PLS3: variants seen among roughly 807,000 people sequenced by gnomAD.
The protein encoded by PLS3 is plastin 3.
Under a neutral mutation model 46.5 loss-of-function variants are expected in PLS3, and 11 were observed. The ratio of observed to expected loss-of-function variants is 0.24; its 90% CI spans 0.15 to 0.39. The LOEUF (loss-of-function observed/expected upper bound fraction) is 0.39, where lower values mean the gene tolerates loss of function less well. Ranked by LOEUF, PLS3 falls within the 10% of genes least tolerant of loss-of-function variation. PLS3 has a pLI of 1.00. For missense variants in PLS3, 308 were observed against 461.8 expected (o/e 0.67, Z 3.05); for synonymous variants, 167 against 162.2 (o/e 1.03, Z -0.22).
At chrX:115,608,999 C>T (rs944544655) in intron 1 of PLS3, among the ~76,000 whole-genome samples, 3 of 109,720 alleles carry the variant, frequency 2.7e-5, no homozygotes, top group Non-Finnish European at 5.7e-5. Context: ...TTTTGGGAGA[C>T]CGAGGCGGGA....
chrX:115,575,186 T>A (rs2074240310), intron 1 of PLS3, among the ~76,000 whole-genome samples: 1 of 111,916 alleles, frequency 8.9e-6, no homozygotes, highest in Admixed American at 9.5e-5. Flanking sequence ...AGTACTCTAT[T>A]CCTTTTTATG....
chrX:115,615,487 C>CAGAGAGAGAGAGAGAG (rs72382307), intron 2 of PLS3, among the ~76,000 whole-genome samples: 1 of 73,765 alleles, frequency 1.4e-5, no homozygotes, highest in Non-Finnish European at 2.6e-5. Flanking sequence ...CACGTGTCAT[C>CAGAGAGAGAGAGAGAG]AGAGAGAGAG....
At chrX:115,573,093 C>CAAAAAAA (rs1163578692) in intron 1 of PLS3, among the ~76,000 whole-genome samples, 5 of 29,624 alleles carry the variant, frequency 1.7e-4, no homozygotes, top group Admixed American at 3.5e-4. Flanking sequence ...GACTCCGTCT[C>CAAAAAAA]AAAAAAAAAA....
intron 11 of PLS3, 30 bp downstream of exon 11, chrX:115,645,129 T>C: frequency 1.2e-6 from 1 of 863,835 alleles, no homozygotes; most frequent in Non-Finnish European, 1.7e-6. Context: ...TTGTAAACAG[T>C]TACGAATGTC....
At chrX:115,570,264 T>C (rs184090749) in intron 1 of PLS3, among the ~76,000 whole-genome samples, 1 of 110,751 alleles carries the variant, frequency 9.0e-6, no homozygotes, top group Non-Finnish European at 1.9e-5. Context: ...CTCTGTGGCA[T>C]TGAGGAGGTT....
At chrX:115,640,260 TG>T in intron 8 of PLS3, 147 bp from the exon 9 acceptor site, 2 of 631,411 alleles carry the variant, frequency 3.2e-6, no homozygotes, top group Non-Finnish European at 5.0e-6. Flanking sequence ...TGGACTTTTC[TG>T]GGGAAAACAC....
chrX:115,590,270 A>G (rs1387987330), intron 1 of PLS3, among the ~76,000 whole-genome samples: 4 of 111,284 alleles, frequency 3.6e-5, no homozygotes, highest in Non-Finnish European at 7.5e-5. Context: ...TTGGGATGCA[A>G]TTTAAAAGCT....
At chrX:115,646,355 A>G (rs1323348498) in intron 12 of PLS3, 47 bp from the exon 13 acceptor site, 29 of 1,177,738 alleles carry the variant, frequency 2.5e-5, no homozygotes, top group Non-Finnish European at 3.2e-5. Flanking sequence ...ACGTATGCAG[A>G]TTAAACAAAT....
chrX:115,649,451 A>G lies in PLS3; in HGVS notation c.1783A>G (p.Arg595Gly), dbSNP rs782476324. ...NAKYAVSMARRIGARVYALPE... is the reference protein window; with the variant it reads ...NAKYAVSMARGIGARVYALPE... ...TAGGTATGCAGTGTCAATGGCTAGA[A>G]GAATCGGAGCCAGAGTGTATGCTCT... Residue 595 changes from arginine (R) to glycine (G), a missense_variant, in exon 16 of 16, where the codon AGA (arginine) becomes GGA (glycine). By Grantham distance (125) the Arg-to-Gly change is moderately radical. Transcript: ENST00000355899. 8.3e-7 allele frequency: 1 copy of G among 1,206,394 alleles called. No homozygotes were observed.
In PLS3 at chrX:115,629,244, A is replaced by G; in HGVS notation, c.284A>G (p.Lys95Arg). The G allele has an allele frequency of 8.3e-7, 1 of 1,198,337 alleles. No homozygotes were observed. Among genetic ancestry groups the G allele is most frequent in the African/African-American group, 1.7e-5 (1 of 57,635 alleles). ...AGTGATATTGCCAAGACCTTCCGCA[A>G]AGCAATCAACAGGAAAGAAGGTATT... ...KSSDIAKTFR[K>R]AINRKEGICA... The change falls in exon 4 of 16, where the codon AAA becomes AGA. Residue 95 changes from lysine to arginine, a missense_variant. Lys to Arg is a conservative substitution (Grantham distance 26). Coordinates refer to ENST00000355899, the MANE Select transcript of PLS3 (RefSeq NM_005032.7).
chrX:115,601,790 C>A (rs1556634630), intron 1 of PLS3, among the ~76,000 whole-genome samples: 1 of 111,482 alleles, frequency 9.0e-6, no homozygotes, highest in Non-Finnish European at 1.9e-5. Flanking sequence ...GGTCAAACTG[C>A]AGTCTGGAGA....
At chrX:115,630,910 T>A (rs1382847274) in intron 5 of PLS3, among the ~76,000 whole-genome samples, 1 of 96,110 alleles carries the variant, frequency 1.0e-5, no homozygotes, top group Non-Finnish European at 2.0e-5. Context: ...ATATTATACA[T>A]GTATATATGT....
At chrX:115,570,475 T>A (rs984695439) in intron 1 of PLS3, among the ~76,000 whole-genome samples, 1 of 109,082 alleles carries the variant, frequency 9.2e-6, no homozygotes, top group African/African-American at 3.4e-5. Flanking sequence ...TACCTCTTTT[T>A]CTCTAATTTG....
At chrX:115,591,346 T>C (rs1556633093) in intron 1 of PLS3, among the ~76,000 whole-genome samples, 1 of 111,628 alleles carries the variant, frequency 9.0e-6, no homozygotes, top group African/African-American at 3.3e-5. Flanking sequence ...AGCCTTGGAG[T>C]TTGGAAAGCT....
At chrX:115,644,551 C>A (rs1314645091) in intron 10 of PLS3, among the ~76,000 whole-genome samples, 1 of 110,227 alleles carries the variant, frequency 9.1e-6, no homozygotes, top group Non-Finnish European at 1.9e-5. Context: ...GAGCTGAGAT[C>A]GTGCCATTGC....
chrX:115,646,357 TA>T, intron 12 of PLS3, 44 bp from the exon 13 acceptor site: 2 of 1,181,593 alleles, frequency 1.7e-6, no homozygotes, highest in Non-Finnish European at 2.3e-6. Flanking sequence ...GTATGCAGAT[TA>T]AACAAATGGA....
chrX:115,572,635 A>G (rs969716747), intron 1 of PLS3, among the ~76,000 whole-genome samples: 4 of 111,759 alleles, frequency 3.6e-5, no homozygotes, highest in African/African-American at 9.7e-5. Context: ...TAATTAGTCT[A>G]TTTGTGGAAT....
chrX:115,596,368 A>G (rs1439206005), intron 1 of PLS3, among the ~76,000 whole-genome samples: 1 of 111,901 alleles, frequency 8.9e-6, no homozygotes, highest in Non-Finnish European at 1.9e-5. Context: ...GCTTGTGGTG[A>G]GCCAAGATAC....
At chrX:115,643,807 C>T (rs1299354456) in intron 10 of PLS3, among the ~76,000 whole-genome samples, 14 of 110,782 alleles carry the variant, frequency 1.3e-4, no homozygotes, top group Admixed American at 5.8e-4. Flanking sequence ...CCCGTCTCTA[C>T]GAAAAATTAA....
Sources: gnomAD v4.1 joint callset for allele counts (sites outside exome capture counted in the v4.1 genomes callset) on GRCh38, gnomAD v4.1.1 for gene constraint, MANE v1.5 for transcripts, NCBI Gene and HGNC (gene_info 2026-07-23, HGNC 2026-07-21) for gene names.